Variants in POLE observed in about 807,000 individuals in gnomAD.
POLE encodes DNA polymerase epsilon catalytic subunit A.
A neutral mutation model predicts 279.2 loss-of-function variants in POLE; 188 were observed. That is an observed-to-expected ratio of 0.67 (90% CI 0.60 to 0.76). The LOEUF (loss-of-function observed/expected upper bound fraction) is 0.76. POLE is among the 30% of genes least tolerant of loss of function. The pLI is 0.00. For synonymous variants in POLE, 1,214 were observed against 1,172.5 expected (o/e 1.04, Z -0.72); for missense variants, 2,703 against 3,016.7 (o/e 0.90, Z 2.44).
At chr12:132,637,049 C>T (rs1344665636) in intron 41 of POLE, among the ~76,000 whole-genome samples, 1 of 152,224 alleles carries the variant, frequency 6.6e-6, no homozygotes, top group Non-Finnish European at 1.5e-5. Flanking sequence ...CTCCGAAATA[C>T]AATTCTAGCC....
At chr12:132,652,303 A>G (rs894770165) in intron 29 of POLE, among the ~76,000 whole-genome samples, 3 of 135,056 alleles carry the variant, frequency 2.2e-5, no homozygotes, top group African/African-American at 8.3e-5. Flanking sequence ...TTTACCAAAG[A>G]TTGTAGTTTC....
intron 3 of POLE, 64 bp downstream of exon 3, chr12:132,680,543 C>T: frequency 1.6e-6 from 2 of 1,289,100 alleles, no homozygotes; most frequent in South Asian, 2.4e-5. Flanking sequence ...CCCTCCCTGA[C>T]AGTCACAGAG....
intron 39 of POLE, among the ~76,000 whole-genome samples, chr12:132,640,641 T>C (rs1174961053): frequency 6.6e-6 from 1 of 152,220 alleles, no homozygotes. Context: ...AAACTGCACA[T>C]CACCCTACTG....
chr12:132,653,870 A>G (rs1283984953), intron 29 of POLE, among the ~76,000 whole-genome samples: 2 of 152,164 alleles, frequency 1.3e-5, no homozygotes, highest in Non-Finnish European at 2.9e-5. Context: ...CTTTAACATG[A>G]GCAGATGTTA....
At position 132,626,270 on chromosome 12, in the gene POLE, G is replaced by A. The variant is rs1358208213; in HGVS notation, c.6378C>T (p.Asn2126=). ...TNITNQVNKL[N]RDLLRLVDVG... The stretch of plus-strand genomic sequence containing the variant: ...CATCCACCAGGCGAAGCAGGTCTCG[G>A]TTCAGCTTATTCACCTGGTTTGTGA... Residue 2126 remains asparagine, a synonymous_variant, in exon 46 of 49, where the codon AAC becomes AAT. Transcript: ENST00000320574. The A allele has an allele frequency of 1.2e-6, 2 of 1,613,898 alleles. No homozygotes were observed. The highest frequency in any genetic ancestry group is 1.7e-6 in the Non-Finnish European group (2 of 1,180,046).
intron 43 of POLE, chr12:132,633,166 T>TCC (rs2041969378): frequency 1.3e-5 from 2 of 158,182 alleles, no homozygotes; most frequent in African/African-American, 2.4e-5. Flanking sequence ...CTTACCCTTT[T>TCC]TTTTTTTTTT....
At chr12:132,627,776 G>T (rs4883629) in intron 45 of POLE, among the ~76,000 whole-genome samples, 1 of 152,056 alleles carries the variant, frequency 6.6e-6, no homozygotes, top group South Asian at 2.1e-4. Flanking sequence ...CAATGTAAAC[G>T]GCTGCTGACT....
intron 45 of POLE, 111 bp downstream of exon 45, chr12:132,632,204 G>A (rs1015623231): frequency 1.2e-5 from 10 of 805,522 alleles, no homozygotes; most frequent in Admixed American, 4.4e-5. Flanking sequence ...GCACACATAC[G>A]CTAGCACGTT....
intron 42 of POLE, 149 bp downstream of exon 42, chr12:132,635,743 G>A: frequency 1.3e-6 from 1 of 743,132 alleles, no homozygotes; most frequent in Non-Finnish European, 2.2e-6. Context: ...TCTGCGCATG[G>A]TCCCTCCCCG....
At chr12:132,681,395 G>A in intron 1 of POLE, 116 bp from the exon 2 acceptor site, 1 of 1,015,306 alleles carries the variant, frequency 9.8e-7, no homozygotes, top group East Asian at 2.6e-5. Flanking sequence ...CTAGGCTGGA[G>A]TGCAGTGGTG....
At position 132,649,471 on chromosome 12, in the gene POLE, C is replaced by G; in HGVS notation, c.3840G>C (p.Gln1280His). 6.2e-7 allele frequency: 1 copy of G among 1,612,420 alleles called. No individual in the cohort carries two copies. The highest frequency in any genetic ancestry group is 8.5e-7 in the Non-Finnish European group (1 of 1,180,018). Residue 1280 changes from glutamine (Q) to histidine (H), a missense_variant, in exon 31 of 49, where the codon CAG becomes CAC. Around this residue, in one of 5 missense-constraint regions of POLE, gnomAD observed 1,551 missense variants for 1,686.1 expected, o/e 0.92. Coordinates refer to ENST00000320574, the MANE Select transcript of POLE (RefSeq NM_006231.4). Reference protein sequence around the residue: ...VWLRFHKKKWQLQARQRLARR... With the variant: ...VWLRFHKKKWHLQARQRLARR... ...GGGCGAGGCGCTGCCGGGCCTGCAG[C>G]TGCCACTTCTTCTTGTGGAACCGGA...
Position 132,642,493 on chromosome 12 carries a change from G to A in POLE, c.4952+13C>T, listed in dbSNP as rs1057517612. On this transcript the variant is annotated intron_variant, in intron 37 of 48. Coordinates refer to ENST00000320574, the MANE Select transcript of POLE (RefSeq NM_006231.4). ...TGGGGACCACTGGCCCACAACGACA[G>A]TACTGTGCTCACCTGCTCATCTCGA... 3.1e-6 allele frequency: 5 copies of A among 1,611,388 alleles called. No homozygotes were observed. The highest frequency in any genetic ancestry group is 8.5e-7 in the Non-Finnish European group (1 of 1,177,890).
rs60289510 is a variant in POLE at position 132,636,441 on chromosome 12, G to GAAA, written c.5679-420_5679-418dup. Among the ~76,000 whole-genome samples, 125 of 44,454 alleles carry GAAA rather than the reference G, an allele frequency of 2.8e-3. 1 individual carries two copies. The highest frequency in any genetic ancestry group is 0.012 in the African/African-American group (120 of 9,642). The allele number at this position is 44,454 out of a possible 152,430, so 29.2% of individuals were successfully genotyped here. A position where few individuals can be genotyped will look rare whatever the true frequency, so the allele number is the denominator to read the frequency against. On this transcript the variant is annotated intron_variant, in intron 41 of 48. Transcript: ENST00000320574. ...CCTCTGCACATTAGATCCATTTAAG[G>GAAA]AAAAAAAAAAAAAAAAAAAAAAAAA...
chr12:132,661,165 CT>C lies in POLE; in HGVS notation c.2865-2del. On this transcript the variant is annotated splice_acceptor_variant, in intron 24 of 48. Transcript: ENST00000320574. LOFTEE classifies it high-confidence loss of function. The surrounding 1 kb of genome is among the most constrained non-coding windows in gnomAD (Gnocchi z 4.1). Reference sequence around the variant, plus strand: ...ACCGTCTTCATTGAACACAGCATACCTGAAAAAAAAAAAAAAGGCAAGCACA... The same window carrying C: ...ACCGTCTTCATTGAACACAGCATACCGAAAAAAAAAAAAAAGGCAAGCACA... 1 of 1,570,344 alleles carries C rather than the reference CT, an allele frequency of 6.4e-7. No individual in the cohort carries two copies. Among genetic ancestry groups the C allele is most frequent in the Non-Finnish European group, 8.6e-7 (1 of 1,163,942 alleles).
intron 12 of POLE, among the ~76,000 whole-genome samples, chr12:132,674,075 C>T (rs769800864): frequency 3.6e-4 from 55 of 152,172 alleles, no homozygotes; most frequent in Non-Finnish European, 6.9e-4. Flanking sequence ...ATCTTCTCTC[C>T]TCACACTGTC....
chr12:132,681,299 C>T lies in POLE; in HGVS notation c.63-20G>A, dbSNP rs1004506148. 1 of 1,606,170 alleles carries T rather than the reference C, an allele frequency of 6.2e-7. No individual in the cohort carries two copies. The highest frequency in any genetic ancestry group is 1.3e-5 in the African/African-American group (1 of 74,426). On this transcript the variant is annotated intron_variant, in intron 1 of 48. Transcript: ENST00000320574. ...TCATCCCTGAGTGAAAGAAGGGAAC[C>T]CCGTGCTTAATTTGTAATGCCACCT...
chr12:132,686,051 T>C (rs747080837), intron 1 of POLE, among the ~76,000 whole-genome samples: 2 of 152,068 alleles, frequency 1.3e-5, no homozygotes, highest in Non-Finnish European at 2.9e-5. Flanking sequence ...AATTTTGTAT[T>C]TTTTTAGTGG....
At chr12:132,685,670 G>A (rs560596219) in intron 1 of POLE, among the ~76,000 whole-genome samples, 6 of 152,330 alleles carry the variant, frequency 3.9e-5, no homozygotes, top group African/African-American at 1.4e-4. Flanking sequence ...TCCTGAAGCA[G>A]GGCAGTCAGT....
In POLE at chr12:132,643,775, T is replaced by C. The variant is rs779435175; in HGVS notation, c.4290+62A>G. 2.4e-4 allele frequency: 383 copies of C among 1,577,916 alleles called. 1 individual carries two copies. The highest frequency in any genetic ancestry group is 3.0e-4 in the Non-Finnish European group (349 of 1,156,882). The stretch of plus-strand genomic sequence containing the variant: ...CCAGCCCACACCCTGGGCGGGTTTC[T>C]TTCCTCCATACCACCCTGCTGGAGC... On this transcript the variant is annotated intron_variant, in intron 33 of 48. Transcript: ENST00000320574.
Sources: allele counts gnomAD v4.1 joint callset (sites outside exome capture counted in the v4.1 genomes callset), GRCh38; gene constraint gnomAD v4.1.1; regional missense constraint gnomAD v4.1.1; non-coding constraint Gnocchi (gnomAD v3.1); transcripts MANE v1.5; gene names NCBI Gene and HGNC (gene_info 2026-07-23, HGNC 2026-07-21).